MSI2: variants seen among roughly 807,000 people sequenced by gnomAD.
MSI2 encodes the protein RNA-binding protein Musashi homolog 2.
A neutral mutation model predicts 45.6 loss-of-function variants in MSI2; 17 were observed. The ratio of observed to expected loss-of-function variants is 0.37; its 90% CI spans 0.26 to 0.56. The LOEUF (loss-of-function observed/expected upper bound fraction) is 0.56, where lower values mean the gene tolerates loss of function less well. Among genes scored for constraint, MSI2 ranks in the 20% least tolerant of loss-of-function variants. MSI2 has a pLI of 0.77. For synonymous variants in MSI2, 156 were observed against 158.2 expected, an observed-to-expected ratio of 0.99 and a Z score of 0.11; for missense variants, 293 against 444.2, an observed-to-expected ratio of 0.66 and a Z score of 3.06.
chr17:57,493,293 G>A (rs1367877975), intron 6 of MSI2, among the ~76,000 whole-genome samples: 3 of 152,128 alleles, frequency 2.0e-5, no homozygotes, highest in East Asian at 1.9e-4. Context: ...TAAAAGGAGC[G>A]ATTGCTGTTA....
intron 11 of MSI2, among the ~76,000 whole-genome samples, chr17:57,669,712 C>G (rs9896897): frequency 0.15 from 22,502 of 152,220 alleles, 2,024 homozygotes; most frequent in African/African-American, 0.25. Context: ...CTCCTGCTCT[C>G]AGTCCTCCGT....
chr17:57,496,252 A>G (rs375754967), intron 6 of MSI2, among the ~76,000 whole-genome samples: 269 of 152,272 alleles, frequency 1.8e-3, no homozygotes, highest in African/African-American at 6.3e-3. Context: ...ACTTAGCGCC[A>G]CGCCAGCCGT....
chr17:57,578,931 G>C (rs538008383), intron 7 of MSI2, among the ~76,000 whole-genome samples: 8 of 152,242 alleles, frequency 5.3e-5, no homozygotes, highest in African/African-American at 1.9e-4. Flanking sequence ...AATGGCATGG[G>C]AGGGAGTGTG....
At chr17:57,532,673 C>A (rs562204615) in intron 7 of MSI2, among the ~76,000 whole-genome samples, 1 of 152,330 alleles carries the variant, frequency 6.6e-6, no homozygotes, top group African/African-American at 2.4e-5. Flanking sequence ...CATGCAGCCA[C>A]CTTGCCCCAA....
At chr17:57,418,138 A>G (rs1288009712) in intron 6 of MSI2, among the ~76,000 whole-genome samples, 2 of 152,218 alleles carry the variant, frequency 1.3e-5, no homozygotes, top group Non-Finnish European at 2.9e-5. Flanking sequence ...CATAGACAAT[A>G]TGTAAATGAA....
intron 7 of MSI2, among the ~76,000 whole-genome samples, chr17:57,575,711 T>C (rs1044476208): frequency 2.6e-5 from 4 of 151,990 alleles, no homozygotes; most frequent in Admixed American, 6.5e-5. Flanking sequence ...TTTGGGAGGC[T>C]GAGGCGGGTG....
chr17:57,442,016 A>G (rs2084808269), intron 6 of MSI2, among the ~76,000 whole-genome samples: 1 of 150,282 alleles, frequency 6.7e-6, no homozygotes, highest in Non-Finnish European at 1.5e-5. Flanking sequence ...GCGTGGGTTC[A>G]TGGTCCTGTA....
intron 7 of MSI2, among the ~76,000 whole-genome samples, chr17:57,565,461 G>T (rs2087707593): frequency 6.6e-6 from 1 of 152,148 alleles, no homozygotes; most frequent in African/African-American, 2.4e-5. Context: ...GCCCCTTTGT[G>T]CCTGGAGGCC....
At chr17:57,463,048 C>T (rs1225690063) in intron 6 of MSI2, among the ~76,000 whole-genome samples, 1 of 152,194 alleles carries the variant, frequency 6.6e-6, no homozygotes, top group African/African-American at 2.4e-5. Context: ...GTTTTCATCG[C>T]AACGAGTGCC....
At chr17:57,314,564 A>ATTT (rs56937102) in intron 5 of MSI2, among the ~76,000 whole-genome samples, 1 of 61,638 alleles carries the variant, frequency 1.6e-5, no homozygotes, top group Non-Finnish European at 2.9e-5. Context: ...AGGCACCTGG[A>ATTT]TTTTTTTTTT....
chr17:57,625,243 G>A (rs888917733), intron 9 of MSI2, among the ~76,000 whole-genome samples: 2 of 149,436 alleles, frequency 1.3e-5, no homozygotes, highest in African/African-American at 5.2e-5. Flanking sequence ...GGGGGCCAGA[G>A]GCAGGACTGG....
intron 5 of MSI2, among the ~76,000 whole-genome samples, chr17:57,336,851 G>A (rs1914729913): frequency 6.6e-6 from 1 of 152,176 alleles, no homozygotes; most frequent in Non-Finnish European, 1.5e-5. Flanking sequence ...ATCTCACGGT[G>A]TCTGAGGGTC....
chr17:57,283,793 C>T (rs141413464), intron 5 of MSI2, among the ~76,000 whole-genome samples: 3 of 152,328 alleles, frequency 2.0e-5, no homozygotes, highest in Non-Finnish European at 2.9e-5. Flanking sequence ...CGCGCACTCC[C>T]GGAAGCGTGG....
chr17:57,585,992 G>A (rs2088336299), intron 7 of MSI2, among the ~76,000 whole-genome samples: 1 of 152,250 alleles, frequency 6.6e-6, no homozygotes, highest in Non-Finnish European at 1.5e-5. Context: ...ATTTAATTTG[G>A]TGAATTTACC....
chr17:57,502,626 T>TATATATAC (rs1555614762), intron 6 of MSI2, among the ~76,000 whole-genome samples: 2 of 126,264 alleles, frequency 1.6e-5, no homozygotes, highest in East Asian at 2.3e-4. Flanking sequence ...TATATATATA[T>TATATATAC]ATATATATAT....
At chr17:57,545,943 C>T (rs2087156299) in intron 7 of MSI2, among the ~76,000 whole-genome samples, 1 of 151,794 alleles carries the variant, frequency 6.6e-6, no homozygotes, top group Non-Finnish European at 1.5e-5. Flanking sequence ...TATTTATTGT[C>T]CTAGATTATT....
the MSI2 span, among the ~76,000 whole-genome samples, chr17:57,690,859 C>G: frequency 1.3e-5 from 2 of 152,130 alleles, no homozygotes; most frequent in African/African-American, 4.8e-5. Flanking sequence ...TTGTCTAACT[C>G]AAGGCACAAC....
chr17:57,508,323 A>C (rs1165046391), intron 6 of MSI2, among the ~76,000 whole-genome samples: 1 of 152,092 alleles, frequency 6.6e-6, no homozygotes, highest in Non-Finnish European at 1.5e-5. Context: ...CCGGACCTCC[A>C]GCCCCTACCA....
intron 6 of MSI2, among the ~76,000 whole-genome samples, chr17:57,422,252 G>A (rs1231809329): frequency 2.0e-5 from 3 of 152,062 alleles, no homozygotes; most frequent in African/African-American, 7.2e-5. Flanking sequence ...ATGAGATCAC[G>A]AATTCGAGAC....
Sources: gnomAD v4.1 joint callset for allele counts (sites outside exome capture counted in the v4.1 genomes callset) on GRCh38, gnomAD v4.1.1 for gene constraint, MANE v1.5 for transcripts, NCBI Gene and HGNC (gene_info 2026-07-23, HGNC 2026-07-21) for gene names.